METRNL: variants seen among roughly 807,000 people sequenced by gnomAD.
METRNL encodes meteorin-like protein.
Under a neutral mutation model 17.4 loss-of-function variants are expected in METRNL, and 9 were observed. The ratio of observed to expected loss-of-function variants is 0.52; its 90% CI spans 0.31 to 0.90. METRNL has a LOEUF of 0.90. Ranked by LOEUF, METRNL falls within the 40% of genes least tolerant of loss-of-function variation. METRNL has a pLI of 0.05. For missense variants in METRNL, 408 were observed against 430.7 expected (o/e 0.95, Z 0.47); for synonymous variants, 215 against 199.3 (o/e 1.08, Z -0.66).
intron 2 of METRNL, among the ~76,000 whole-genome samples, chr17:83,092,786 C>A (rs970838755): frequency 2.0e-5 from 3 of 152,164 alleles, no homozygotes; most frequent in Admixed American, 6.5e-5. Context: ...GGCTCAGCCG[C>A]ACTGAGGAGA....
In METRNL at chr17:83,094,369, C is replaced by A; in HGVS notation, c.730C>A (p.Pro244Thr). Residue 244 changes from proline (P) to threonine (T), a missense_variant, in exon 4 of 4, where the codon CCC becomes ACC. Coordinates refer to ENST00000320095, the MANE Select transcript of METRNL (RefSeq NM_001004431.3). ...GAAAAGCAGGGTCTTCGAGCCGGTG[C>A]CCGAGGGTGACGGCCACTGGCAGGG... ...RQKSRVFEPV[P>T]EGDGHWQGRV... The A allele has an allele frequency of 6.2e-7, 1 of 1,610,912 alleles. No individual in the cohort carries two copies. The highest frequency in any genetic ancestry group is 8.5e-7 in the Non-Finnish European group (1 of 1,178,562).
chr17:83,082,379 A>G (rs1328059851), intron 1 of METRNL: 1 of 403,258 alleles, frequency 2.5e-6, no homozygotes, highest in East Asian at 1.6e-4. Flanking sequence ...GCCCCCCTTC[A>G]GTGAGTCCCT....
At chr17:83,082,120 C>G (rs1325135309) in intron 1 of METRNL, 22 of 985,316 alleles carry the variant, frequency 2.2e-5, no homozygotes. Flanking sequence ...GAGGCGGGAC[C>G]AGCGCCCCGT....
chr17:83,085,786 T>C (rs2038046391), intron 2 of METRNL, among the ~76,000 whole-genome samples: 1 of 152,164 alleles, frequency 6.6e-6, no homozygotes. Context: ...TGTAGCACCT[T>C]TGAAACGGGT....
chr17:83,089,963 G>A (rs567144194), intron 2 of METRNL, among the ~76,000 whole-genome samples: 1 of 152,010 alleles, frequency 6.6e-6, no homozygotes, highest in South Asian at 2.1e-4. Flanking sequence ...GGGGTACCCA[G>A]GGCACGTGAG....
intron 2 of METRNL, among the ~76,000 whole-genome samples, chr17:83,085,981 A>C (rs1276598171): frequency 1.3e-5 from 2 of 152,214 alleles, no homozygotes; most frequent in Admixed American, 6.5e-5. Flanking sequence ...ATAAACAGAC[A>C]GCTTCCCTGT....
At chr17:83,089,995 C>T (rs1025562203) in intron 2 of METRNL, among the ~76,000 whole-genome samples, 4 of 152,048 alleles carry the variant, frequency 2.6e-5, no homozygotes, top group South Asian at 2.1e-4. Context: ...CATCCTCCCC[C>T]TCGGCCGTCC....
intron 1 of METRNL, chr17:83,082,124 G>C (rs1019967525): frequency 2.0e-6 from 2 of 985,312 alleles, no homozygotes; most frequent in Admixed American, 1.2e-4. Flanking sequence ...CGGGACCAGC[G>C]CCCCGTCTTT....
At position 83,082,160 on chromosome 17, in the gene METRNL, C is replaced by T. The variant is rs2037997542; in HGVS notation, c.170+2175C>T. On this transcript the variant is annotated intron_variant, in intron 1 of 3. Coordinates refer to ENST00000320095, the MANE Select transcript of METRNL (RefSeq NM_001004431.3). ...ATCAGCCAGTGCTCATAAATGTGGA[C>T]CATGAACTTTCCCACTTGCTGTCAG... 62 of 985,308 alleles carry T rather than the reference C, an allele frequency of 6.3e-5. 2 individuals are homozygous for T. Among genetic ancestry groups the T allele is most frequent in the Non-Finnish European group, 7.2e-5 (60 of 829,922 alleles). 61.0% of individuals were successfully genotyped at this position (985,308 alleles called of 1,614,324 possible).
intron 2 of METRNL, among the ~76,000 whole-genome samples, chr17:83,086,143 T>C (rs2038050673): frequency 6.6e-6 from 1 of 152,236 alleles, no homozygotes; most frequent in African/African-American, 2.4e-5. Context: ...GTGGGCCGTG[T>C]GACCTCCATG....
chr17:83,094,593 C>T lies in METRNL; in HGVS notation c.*18C>T. 2 of 1,433,566 alleles carry T rather than the reference C, an allele frequency of 1.4e-6. No individual in the cohort carries two copies. The highest frequency in any genetic ancestry group is 1.8e-6 in the Non-Finnish European group (2 of 1,088,888). The allele number at this position is 1,433,566 out of a possible 1,614,324, so 88.8% of individuals were successfully genotyped here. A position where few individuals can be genotyped will look rare whatever the true frequency, so the allele number is the denominator to read the frequency against. ...CGGACTGACTCCGTGGGCCGCTGCC[C>T]TTCCTCTCCTGATGAGTCACAGGCT... On this transcript the variant is annotated 3_prime_UTR_variant, in exon 4 of 4. Coordinates refer to ENST00000320095, the MANE Select transcript of METRNL (RefSeq NM_001004431.3).
At chr17:83,091,086 A>T (rs2038129697) in intron 2 of METRNL, among the ~76,000 whole-genome samples, 1 of 152,096 alleles carries the variant, frequency 6.6e-6, no homozygotes, top group Non-Finnish European at 1.5e-5. Flanking sequence ...GTCTGTACAC[A>T]TCAGCAGGAA....
At chr17:83,089,247 T>G (rs370111256) in intron 2 of METRNL, among the ~76,000 whole-genome samples, 1 of 152,128 alleles carries the variant, frequency 6.6e-6, no homozygotes, top group Non-Finnish European at 1.5e-5. Flanking sequence ...TCCCTGTTCT[T>G]GGCTCCTCTG....
In METRNL at chr17:83,079,824, C is replaced by A. The variant is rs1236798020; in HGVS notation, c.9C>A (p.Gly3=). 2 of 972,472 alleles carry A rather than the reference C, an allele frequency of 2.1e-6. No homozygotes were observed. Among genetic ancestry groups the A allele is most frequent in the African/African-American group, 1.8e-5 (1 of 55,208 alleles). 60.2% of individuals were successfully genotyped at this position (972,472 alleles called of 1,614,324 possible). Residue 3 remains glycine (G), a synonymous_variant, in exon 1 of 4, where the codon GGC becomes GGA. Coordinates refer to ENST00000320095, the MANE Select transcript of METRNL (RefSeq NM_001004431.3). MR[G]AARAAWGRAG... is the part of the protein sequence containing the mutation. ...GGAGCCGGCGCCAGAGCATGCGGGG[C>A]GCGGCGCGGGCGGCCTGGGGGCGCG...
chr17:83,084,974 G>A lies in METRNL; in HGVS notation c.207G>A (p.Glu69=). Residue 69 remains glutamate, a synonymous_variant, in exon 2 of 4, where the codon GAG becomes GAA. Transcript: ENST00000320095. ...ACGAGGCACACAGGAAGGAGGTGGA[G>A]CAGGTGTATCTGCGCTGTGCGGCGG... ...LTHEAHRKEV[E]QVYLRCAAGA... 1 of 1,613,628 alleles carries A rather than the reference G, an allele frequency of 6.2e-7. No individual in the cohort carries two copies. Among genetic ancestry groups the A allele is most frequent in the Non-Finnish European group, 8.5e-7 (1 of 1,179,838 alleles).
At chr17:83,086,278 G>A (rs974836789) in intron 2 of METRNL, among the ~76,000 whole-genome samples, 3 of 152,324 alleles carry the variant, frequency 2.0e-5, no homozygotes, top group Admixed American at 2.0e-4. Flanking sequence ...CAGGTAGACT[G>A]GTCATTTACA....
rs757665399 is a variant in METRNL, at chr17:83,094,337, A to T, written c.698A>T (p.Tyr233Phe). The change falls in exon 4 of 4, where the codon TAT becomes TTT. Residue 233 changes from tyrosine to phenylalanine, a missense_variant. Physicochemically the swap from Tyr to Phe is conservative, Grantham distance 22 (BLOSUM62 3). Coordinates refer to ENST00000320095, the MANE Select transcript of METRNL (RefSeq NM_001004431.3). The stretch of plus-strand genomic sequence containing the variant: ...ATCCACCTGCGCGTGAGCAGACTCT[A>T]TCGGCAGAAAAGCAGGGTCTTCGAG... ...SAIHLRVSRL[Y>F]RQKSRVFEPV... The T allele has an allele frequency of 6.2e-7, 1 of 1,610,524 alleles. No homozygotes were observed. The highest frequency in any genetic ancestry group is 8.5e-7 in the Non-Finnish European group (1 of 1,178,268).
At chr17:83,085,559 G>C (rs758943411) in intron 2 of METRNL, among the ~76,000 whole-genome samples, 5 of 152,120 alleles carry the variant, frequency 3.3e-5, no homozygotes, top group Non-Finnish European at 7.4e-5. Context: ...GTGTAGGGGG[G>C]TGTGGGATGT....
intron 2 of METRNL, among the ~76,000 whole-genome samples, chr17:83,092,915 G>T (rs944488907): frequency 1.2e-4 from 19 of 152,180 alleles, no homozygotes; most frequent in African/African-American, 4.1e-4. Context: ...CTTTGGTCCA[G>T]GTGGGGCCGA....
Sources: gnomAD v4.1 joint callset for allele counts (sites outside exome capture counted in the v4.1 genomes callset) on GRCh38, gnomAD v4.1.1 for gene constraint, MANE v1.5 for transcripts, NCBI Gene and HGNC (gene_info 2026-07-23, HGNC 2026-07-21) for gene names.